DNAH6: variants seen among roughly 807,000 people sequenced by gnomAD.
DNAH6 encodes axonemal beta dynein heavy chain 6.
Under a neutral mutation model 491.4 loss-of-function variants are expected in DNAH6, and 340 were observed. That is an observed-to-expected ratio of 0.69 (90% CI 0.63 to 0.76). The LOEUF is 0.76. Among genes scored for constraint, DNAH6 ranks in the 30% least tolerant of loss-of-function variants. DNAH6 has a pLI of 0.00. For synonymous variants in DNAH6, 1,603 were observed against 1,686.1 expected (o/e 0.95, Z 1.21); for missense variants, 4,443 against 4,972.2 (o/e 0.89, Z 3.20).
At position 84,653,427 on chromosome 2, in the gene DNAH6, G is replaced by A; in HGVS notation, c.5187G>A (p.Glu1729=). 1 of 1,551,144 alleles carries A rather than the reference G, an allele frequency of 6.4e-7. No homozygotes were observed. Among genetic ancestry groups the A allele is most frequent in the South Asian group, 1.2e-5 (1 of 84,032 alleles). The change falls in exon 34 of 77, where the codon GAG becomes GAA. Residue 1729 remains glutamate (E), a synonymous_variant. Transcript: ENST00000389394. ...DVMNRQNLQP[E]MCMVRKVIQF... ...TGAATAGACAAAATCTTCAGCCTGA[G>A]ATGTGTATGGTTAGAAAGGTGATAC...
chr2:84,664,360 C>T (rs1282389642), intron 37 of DNAH6, among the ~76,000 whole-genome samples: 6 of 152,058 alleles, frequency 3.9e-5, no homozygotes, highest in South Asian at 2.1e-4. Flanking sequence ...ACCCATCTCA[C>T]GTGCAAAGAC....
chr2:84,486,226 C>T, the DNAH6 span, among the ~76,000 whole-genome samples: 1 of 152,196 alleles, frequency 6.6e-6, no homozygotes, highest in Non-Finnish European at 1.5e-5. Context: ...TTAAACTACT[C>T]AACCTTTCTA....
intron 73 of DNAH6, 28 bp from the exon 74 acceptor site, chr2:84,813,030 G>A (rs762483259): frequency 7.8e-6 from 12 of 1,529,654 alleles, no homozygotes; most frequent in Admixed American, 5.9e-5. Flanking sequence ...CAGAAATAAC[G>A]TTTATTATGA....
intron 70 of DNAH6, among the ~76,000 whole-genome samples, chr2:84,800,655 T>C (rs2105300245): frequency 6.6e-6 from 1 of 152,266 alleles, no homozygotes; most frequent in Non-Finnish European, 1.5e-5. Context: ...AAGAATGAAT[T>C]TCAGAGCTCA....
At chr2:84,721,258 C>CA (rs1553477136) in intron 59 of DNAH6, among the ~76,000 whole-genome samples, 1 of 151,740 alleles carries the variant, frequency 6.6e-6, no homozygotes, top group East Asian at 1.9e-4. Context: ...CCCATATCAA[C>CA]TTTTTTTTTC....
chr2:84,527,863 C>G lies in DNAH6; in HGVS notation c.400-1041C>G, dbSNP rs117913864. ...TAATACATCCCTGCAGAAATGGCAG[C>G]CTCTGCCAGCTATGTTAATAGGCAA... On this transcript the variant is annotated intron_variant, in intron 3 of 76. Transcript: ENST00000389394. Among the ~76,000 whole-genome samples, 787 of 152,292 alleles carry G rather than the reference C, an allele frequency of 5.2e-3. 19 individuals carry two copies. The East Asian group carries it at 0.088, about 17-fold the overall frequency.
intron 2 of DNAH6, among the ~76,000 whole-genome samples, chr2:84,523,242 T>C (rs1676310474): frequency 6.6e-6 from 1 of 151,952 alleles, no homozygotes; most frequent in Admixed American, 6.6e-5. Flanking sequence ...TATGTGCATA[T>C]GGTATTCATA....
intron 11 of DNAH6, among the ~76,000 whole-genome samples, chr2:84,563,290 C>T (rs968991655): frequency 6.6e-6 from 1 of 152,158 alleles, no homozygotes; most frequent in African/African-American, 2.4e-5. Context: ...GTTTTAAGTT[C>T]TTTGAGAAAT....
the DNAH6 span, among the ~76,000 whole-genome samples, chr2:84,466,725 C>A: frequency 2.0e-5 from 3 of 152,106 alleles, no homozygotes; most frequent in Non-Finnish European, 2.9e-5. Flanking sequence ...TTAAGAATAC[C>A]AGTTAGAGTT....
chr2:84,577,500 A>T, intron 13 of DNAH6, 92 bp downstream of exon 13: 1 of 892,014 alleles, frequency 1.1e-6, no homozygotes, highest in Non-Finnish European at 1.6e-6. Flanking sequence ...ATTTTATAGT[A>T]TTGCAAATAT....
chr2:84,538,458 CAGAT>C (rs1346333252), intron 4 of DNAH6, among the ~76,000 whole-genome samples: 1 of 152,152 alleles, frequency 6.6e-6, no homozygotes, highest in Non-Finnish European at 1.5e-5. Context: ...TAAAATCTAA[CAGAT>C]AGTTCAGATT....
the DNAH6 span, among the ~76,000 whole-genome samples, chr2:84,471,238 C>T: frequency 6.6e-6 from 1 of 152,146 alleles, no homozygotes; most frequent in African/African-American, 2.4e-5. Flanking sequence ...TACTAGCTAT[C>T]ATTATTACTA....
chr2:84,729,929 A>G (rs1233469779), intron 61 of DNAH6, among the ~76,000 whole-genome samples: 1 of 152,204 alleles, frequency 6.6e-6, no homozygotes, highest in Non-Finnish European at 1.5e-5. Flanking sequence ...GCCAACTTCC[A>G]TGCATAAAAC....
In DNAH6 at chr2:84,547,400, G is replaced by A. The variant is rs1400689528; in HGVS notation, c.1063G>A (p.Glu355Lys). The part of the protein sequence containing the change: ...FKAAQVIRLA[E>K]VTERLGEFRN... The stretch of plus-strand genomic sequence containing the variant: ...GGCCGCACAAGTCATACGGCTAGCA[G>A]AGGTAACAAATTTTGTCTATAAGAA... Residue 355 changes from glutamate (E) to lysine (K), a missense_variant and splice_region_variant, in exon 6 of 77, where the codon GAG (glutamate) becomes AAG (lysine). Physicochemically the swap from Glu to Lys is moderately conservative, Grantham distance 56 (BLOSUM62 1). Transcript: ENST00000389394. 9 of 1,551,570 alleles carry A rather than the reference G, an allele frequency of 5.8e-6. No homozygotes were observed. Among genetic ancestry groups the A allele is most frequent in the Non-Finnish European group, 7.8e-6 (9 of 1,146,940 alleles).
intron 28 of DNAH6, 25 bp from the exon 29 acceptor site, chr2:84,624,877 A>T (rs1687717008): frequency 6.6e-7 from 1 of 1,524,148 alleles, no homozygotes; most frequent in Non-Finnish European, 8.8e-7. Context: ...TTCCCTTCAT[A>T]TTGATAATGC....
intron 63 of DNAH6, among the ~76,000 whole-genome samples, chr2:84,755,400 A>C (rs1008320832): frequency 1.3e-5 from 2 of 152,182 alleles, no homozygotes; most frequent in African/African-American, 4.8e-5. Flanking sequence ...TTTCTTTATA[A>C]ATTACCCAGT....
At chr2:84,815,480 AT>A (rs1199908864) in intron 75 of DNAH6, among the ~76,000 whole-genome samples, 1 of 152,216 alleles carries the variant, frequency 6.6e-6, no homozygotes, top group Non-Finnish European at 1.5e-5. Context: ...TAATACAAAC[AT>A]TTAAAAGTAA....
At chr2:84,771,907 G>A (rs561525896) in intron 64 of DNAH6, among the ~76,000 whole-genome samples, 3 of 152,218 alleles carry the variant, frequency 2.0e-5, no homozygotes, top group South Asian at 2.1e-4. Flanking sequence ...ACAAGTAAGC[G>A]TAACTACATA....
In DNAH6 at chr2:84,579,524, T is replaced by C. The variant is rs1038238527; in HGVS notation, c.2077-3T>C. 1.2e-6 allele frequency: 2 copies of C among 1,613,494 alleles called. No individual in the cohort carries two copies. The highest frequency in any genetic ancestry group is 1.1e-5 in the South Asian group (1 of 90,938). On this transcript the variant is annotated splice_region_variant and splice_polypyrimidine_tract_variant and intron_variant, in intron 13 of 76. Coordinates refer to ENST00000389394, the MANE Select transcript of DNAH6 (RefSeq NM_001370.2). ...TACAATTCACACGGTGTTTCTTTCT[T>C]AGGTGCTAAATTTTATGCTTCCTCG... is the stretch of plus-strand genomic sequence containing the variant.
Sources: gnomAD v4.1 joint callset for allele counts (sites outside exome capture counted in the v4.1 genomes callset) on GRCh38, gnomAD v4.1.1 for gene constraint, MANE v1.5 for transcripts, NCBI Gene and HGNC (gene_info 2026-07-23, HGNC 2026-07-21) for gene names.